Variants in SLMAP observed in about 807,000 individuals in gnomAD.
SLMAP encodes sarcolemma associated protein, also known as sarcolemmal membrane-associated protein.
A neutral mutation model predicts 128.8 loss-of-function variants in SLMAP; 44 were observed. The observed-to-expected ratio is 0.34, with a 90% CI of 0.27 to 0.44. The LOEUF (loss-of-function observed/expected upper bound fraction) is 0.44. SLMAP is among the 20% of genes least tolerant of loss of function. The probability of loss-of-function intolerance (pLI) is 1.00; values close to 1 mark genes in which losing one functional copy is unlikely to be tolerated. For missense variants in SLMAP, 787 were observed against 985.3 expected (o/e 0.80, Z 2.69); for synonymous variants, 327 against 348.8 (o/e 0.94, Z 0.70).
At chr3:57,892,830 T>G (rs1015778871) in intron 15 of SLMAP, among the ~76,000 whole-genome samples, 6 of 119,698 alleles carry the variant, frequency 5.0e-5, no homozygotes, top group African/African-American at 1.8e-4. Context: ...AAACTTGCTT[T>G]CTTTTTTTTT....
chr3:57,798,415 G>A (rs140986805), intron 2 of SLMAP, among the ~76,000 whole-genome samples: 3 of 152,132 alleles, frequency 2.0e-5, no homozygotes, highest in African/African-American at 4.8e-5. Context: ...ATTTTCTAGA[G>A]TGTTTTCTGA....
intron 14 of SLMAP, among the ~76,000 whole-genome samples, chr3:57,875,803 G>A (rs1413202348): frequency 6.6e-6 from 1 of 152,194 alleles, no homozygotes; most frequent in Non-Finnish European, 1.5e-5. Context: ...CTTGTCAGAA[G>A]GGACATTTTG....
At chr3:57,801,012 TA>T in intron 2 of SLMAP, 1 of 262,596 alleles carries the variant, frequency 3.8e-6, no homozygotes, top group South Asian at 5.3e-5. Context: ...CTTTGTCCTG[TA>T]AGCTCTACAA....
intron 19 of SLMAP, among the ~76,000 whole-genome samples, chr3:57,909,762 G>A (rs1164371112): frequency 2.0e-5 from 3 of 151,768 alleles, no homozygotes; most frequent in Admixed American, 6.6e-5. Flanking sequence ...ACAGGCATGC[G>A]CCACCACACC....
rs141139013 is a variant in SLMAP at position 57,919,948 on chromosome 3, T to G, written c.2310+2871T>G. Among the ~76,000 whole-genome samples, 145 of 152,312 alleles carry G rather than the reference T, an allele frequency of 9.5e-4. 1 individual carries two copies. Among genetic ancestry groups the G allele is most frequent in the Non-Finnish European group, 1.7e-3 (119 of 68,026 alleles). On this transcript the variant is annotated intron_variant, in intron 22 of 24. Transcript: ENST00000671191. ...GAGGTAAGCAACAGGATCCCCCTGG[T>G]TGAGCTGCCTTCCTGTGGTTCTGCT...
chr3:57,766,217 C>A (rs1394622582), intron 2 of SLMAP, among the ~76,000 whole-genome samples: 1 of 133,770 alleles, frequency 7.5e-6, no homozygotes, highest in Non-Finnish European at 1.5e-5. Context: ...AGGGTTTCAC[C>A]GTGTTAGCCA....
At chr3:57,783,213 C>T (rs147059329) in intron 2 of SLMAP, among the ~76,000 whole-genome samples, 16 of 152,138 alleles carry the variant, frequency 1.1e-4, no homozygotes, top group African/African-American at 3.4e-4. Context: ...GTGAGAGCTC[C>T]GAAGAAGGGG....
intron 14 of SLMAP, among the ~76,000 whole-genome samples, chr3:57,881,561 G>A (rs1019663451): frequency 2.0e-5 from 3 of 152,090 alleles, no homozygotes; most frequent in Non-Finnish European, 4.4e-5. Context: ...GGGTTCAAGC[G>A]ATTCTCCTGC....
intron 4 of SLMAP, among the ~76,000 whole-genome samples, chr3:57,843,759 T>G (rs1377424694): frequency 1.5e-5 from 2 of 134,288 alleles, no homozygotes; most frequent in Non-Finnish European, 3.1e-5. Flanking sequence ...TTTCTCTCTC[T>G]TTCTTTCTTT....
intron 2 of SLMAP, among the ~76,000 whole-genome samples, chr3:57,763,564 C>T (rs947718356): frequency 1.2e-4 from 19 of 152,070 alleles, no homozygotes; most frequent in Non-Finnish European, 2.6e-4. Context: ...TGTGAGCCAC[C>T]GCGCCCGGCC....
chr3:57,873,225 G>A (rs570113898), intron 14 of SLMAP, among the ~76,000 whole-genome samples: 4 of 152,222 alleles, frequency 2.6e-5, no homozygotes, highest in African/African-American at 7.2e-5. Context: ...ATATTTGGCC[G>A]GGCATGGTGG....
intron 2 of SLMAP, among the ~76,000 whole-genome samples, chr3:57,766,165 A>ATT (rs869169620): frequency 0.013 from 1,073 of 85,672 alleles, 34 homozygotes; most frequent in African/African-American, 0.044. Context: ...CACCCGGCTA[A>ATT]TTTTTTTTTT....
intron 19 of SLMAP, among the ~76,000 whole-genome samples, chr3:57,910,849 A>G (rs2096676735): frequency 6.6e-6 from 1 of 152,210 alleles, no homozygotes. Flanking sequence ...TCAGAAGAGA[A>G]GGGAGAGTCA....
intron 2 of SLMAP, among the ~76,000 whole-genome samples, chr3:57,760,242 G>C (rs1246166294): frequency 6.6e-6 from 1 of 152,168 alleles, no homozygotes; most frequent in Non-Finnish European, 1.5e-5. Flanking sequence ...ACCCGGCCAT[G>C]AAATTAGTTC....
intron 14 of SLMAP, among the ~76,000 whole-genome samples, chr3:57,880,394 G>C (rs946529858): frequency 3.0e-4 from 46 of 152,030 alleles, no homozygotes; most frequent in Admixed American, 1.6e-3. Flanking sequence ...TAGAGATGGG[G>C]GTTTCATCAT....
intron 14 of SLMAP, among the ~76,000 whole-genome samples, chr3:57,882,077 C>G (rs546880139): frequency 6.6e-6 from 1 of 152,064 alleles, no homozygotes; most frequent in Admixed American, 6.5e-5. Context: ...ACTGTTCAAA[C>G]TTTTTATATA....
chr3:57,841,203 T>C (rs567811271), intron 3 of SLMAP, 96 bp from the exon 4 acceptor site: 2 of 651,012 alleles, frequency 3.1e-6, no homozygotes, highest in East Asian at 3.1e-5. Flanking sequence ...GAGAAATTGT[T>C]ACTTTTAAGA....
Position 57,770,120 on chromosome 3 carries a change from A to G in SLMAP, c.198+12271A>G, listed in dbSNP as rs1027407903. Among the ~76,000 whole-genome samples, 9 of 152,246 alleles carry G rather than the reference A, an allele frequency of 5.9e-5. No individual in the cohort carries two copies. The South Asian group carries it at 8.3e-4, about 14-fold the overall frequency. ...TTGTAGCTGAACCCAAACTGGGGCC[A>G]TTATGCATTCTTAGTCTTTAGTATC... On this transcript the variant is annotated intron_variant, in intron 2 of 24. Transcript: ENST00000671191.
intron 2 of SLMAP, among the ~76,000 whole-genome samples, chr3:57,786,296 T>C (rs1411422796): frequency 3.9e-5 from 6 of 152,166 alleles, no homozygotes; most frequent in Non-Finnish European, 5.9e-5. Context: ...AGCTCCTATC[T>C]GGGACATGTA....
Sources: gnomAD v4.1 joint callset for allele counts (sites outside exome capture counted in the v4.1 genomes callset) on GRCh38, gnomAD v4.1.1 for gene constraint, MANE v1.5 for transcripts, NCBI Gene and HGNC (gene_info 2026-07-23, HGNC 2026-07-21) for gene names.